The following VRK2 variants were observed in gnomAD, a reference collection of about 807,000 sequenced individuals.
VRK2 encodes VRK serine/threonine kinase 2, also known as serine/threonine-protein kinase VRK2.
VRK2 carries 60 observed loss-of-function variants against 57.6 expected under a neutral mutation model. The observed-to-expected ratio is 1.04, with a 90% CI of 0.85 to 1.29. The LOEUF is 1.29. Among genes scored for constraint, VRK2 ranks in the 50% most tolerant of loss-of-function variants. VRK2 has a pLI of 0.00. For synonymous variants in VRK2, 231 were observed against 199.2 expected, an observed-to-expected ratio of 1.16 and a Z score of -1.35; for missense variants, 705 against 588.1, an observed-to-expected ratio of 1.20 and a Z score of -2.06.
At chr2:58,021,909 C>T (rs909454200) in intron 1 of VRK2, among the ~76,000 whole-genome samples, 1 of 152,294 alleles carries the variant, frequency 6.6e-6, no homozygotes, top group Non-Finnish European at 1.5e-5. Flanking sequence ...TTTGTCTCAA[C>T]CATCAAAAGT....
At chr2:57,986,860 A>T (rs928726456) in intron 1 of VRK2, among the ~76,000 whole-genome samples, 3 of 152,130 alleles carry the variant, frequency 2.0e-5, no homozygotes, top group Non-Finnish European at 4.4e-5. Flanking sequence ...TGGCCTCCCA[A>T]AGTGCTGGGA....
chr2:57,964,181 G>C (rs1289329609), intron 1 of VRK2, among the ~76,000 whole-genome samples: 1 of 152,090 alleles, frequency 6.6e-6, no homozygotes, highest in African/African-American at 2.4e-5. Flanking sequence ...CTGTTGACTG[G>C]AAGCGTAACT....
chr2:57,960,988 C>T (rs1053299296), intron 1 of VRK2, among the ~76,000 whole-genome samples: 1 of 152,140 alleles, frequency 6.6e-6, no homozygotes, highest in East Asian at 1.9e-4. Flanking sequence ...TGAACAGTTA[C>T]TGTGTGCCAG....
intron 2 of VRK2, among the ~76,000 whole-genome samples, chr2:58,056,991 G>A (rs566728558): frequency 6.6e-6 from 1 of 152,094 alleles, no homozygotes. Context: ...CTCTTTCTTT[G>A]TTCCGATGGT....
At chr2:58,125,505 T>C (rs1261805112) in intron 8 of VRK2, among the ~76,000 whole-genome samples, 2 of 152,072 alleles carry the variant, frequency 1.3e-5, no homozygotes, top group Admixed American at 1.3e-4. Context: ...CACAGAAAGA[T>C]GGTGTTACAT....
chr2:57,939,634 T>C (rs2717033), intron 1 of VRK2, among the ~76,000 whole-genome samples: 105,413 of 151,652 alleles, frequency 0.7, 38,107 homozygotes, highest in African/African-American at 0.92. Context: ...CTATACAAAA[T>C]GTTACTTTGA....
chr2:58,131,978 T>A (rs2104542212), intron 9 of VRK2, 50 bp downstream of exon 9: 1 of 1,607,618 alleles, frequency 6.2e-7, no homozygotes, highest in African/African-American at 1.3e-5. Flanking sequence ...TCTGAAGGGA[T>A]ACATTAAAGG....
chr2:58,017,755 T>C (rs1026757923), intron 1 of VRK2, among the ~76,000 whole-genome samples: 1 of 152,220 alleles, frequency 6.6e-6, no homozygotes, highest in Non-Finnish European at 1.5e-5. Flanking sequence ...TGATTAAATA[T>C]GGAATAAATC....
chr2:58,042,866 C>G (rs573187297), upstream of VRK2, among the ~76,000 whole-genome samples: 4 of 152,052 alleles, frequency 2.6e-5, no homozygotes, highest in East Asian at 5.8e-4. Context: ...ATTCTCTTTT[C>G]TTTCTTGTTT....
Position 58,048,855 on chromosome 2 carries a change from A to G in VRK2, c.24A>G (p.Lys8=). Residue 8 remains lysine (K), a synonymous_variant, in exon 2 of 13, where the codon AAA becomes AAG. Transcript: ENST00000340157. ...TGATGCCACCAAAAAGAAATGAAAA[A>G]TACAAACTTCCTATTCCATTTCCAG... MPPKRNE[K]YKLPIPFPEG... 2.5e-6 allele frequency: 4 copies of G among 1,613,936 alleles called. No homozygotes were observed. Among genetic ancestry groups the G allele is most frequent in the East Asian group, 2.2e-5 (1 of 44,840 alleles).
Position 58,084,926 on chromosome 2 carries a change from C to G in VRK2, c.232C>G (p.Gln78Glu). The change falls in exon 4 of 13, where the codon CAG becomes GAG. Residue 78 changes from glutamine (Q) to glutamate (E), a missense_variant. By Grantham distance (29) the Gln-to-Glu change is conservative (BLOSUM62 2). Coordinates refer to ENST00000340157, the MANE Select transcript of VRK2 (RefSeq NM_006296.7). The part of the protein sequence containing the change: ...GPLFSELKFY[Q>E]RVAKKDCIKK... ...GTTATTTTCAGAACTTAAATTTTAT[C>G]AGAGAGTTGCAAAAAAAGACTGTAG... The G allele has an allele frequency of 6.3e-7, 1 of 1,586,928 alleles. No individual in the cohort carries two copies. The highest frequency in any genetic ancestry group is 8.6e-7 in the Non-Finnish European group (1 of 1,167,066).
At chr2:58,058,269 G>A (rs1278373440) in intron 2 of VRK2, 1 of 445,992 alleles carries the variant, frequency 2.2e-6, no homozygotes, top group Non-Finnish European at 4.6e-6. Flanking sequence ...TAACTTTTGG[G>A]AATGATGAAT....
At chr2:58,108,181 C>T (rs1281371789) in intron 7 of VRK2, among the ~76,000 whole-genome samples, 1 of 152,142 alleles carries the variant, frequency 6.6e-6, no homozygotes, top group Non-Finnish European at 1.5e-5. Context: ...TTTATTGAAT[C>T]ATCACTTACT....
At chr2:58,088,310 A>C in intron 5 of VRK2, 31 bp from the exon 6 acceptor site, 1 of 1,462,792 alleles carries the variant, frequency 6.8e-7, no homozygotes, top group Non-Finnish European at 9.5e-7. Flanking sequence ...CTTTCTCAGG[A>C]TGATCTCTTT....
In VRK2 at chr2:57,914,220, A is replaced by G. The variant is rs535926913; in HGVS notation, c.-439+6381A>G. On this transcript the variant is annotated intron_variant, in intron 1 of 15. Coordinates refer to the VRK2 transcript ENST00000417641. ...CTGAGGTCAGATAGCCAAGATCCCA[A>G]TGTTTACTATTTGTGGCACTTAACC... is the stretch of plus-strand genomic sequence containing the variant. 4.0e-5 allele frequency among the ~76,000 whole-genome samples: 6 copies of G among 150,612 alleles called. No individual in the cohort carries two copies. In the East Asian group the frequency reaches 9.7e-4, roughly 24 times the overall value.
chr2:58,058,313 G>T, intron 2 of VRK2: 1 of 467,764 alleles, frequency 2.1e-6, no homozygotes, highest in South Asian at 1.6e-5. Context: ...ATTTTATCAT[G>T]AAGATGAAAC....
At chr2:58,033,650 G>A (rs1674184625) in intron 3 of VRK2, 1 of 151,946 alleles carries the variant, frequency 6.6e-6, no homozygotes, top group South Asian at 2.1e-4. Context: ...AGTTTCATAA[G>A]TAAAAATATC....
chr2:57,915,833 C>T (rs1016578877), intron 1 of VRK2, among the ~76,000 whole-genome samples: 3 of 152,150 alleles, frequency 2.0e-5, no homozygotes, highest in Non-Finnish European at 1.5e-5. Context: ...ACAGCCTGAG[C>T]TCCGCCTCCA....
intron 10 of VRK2, among the ~76,000 whole-genome samples, chr2:58,138,674 A>G (rs1283384032): frequency 1.3e-5 from 2 of 152,196 alleles, no homozygotes; most frequent in African/African-American, 4.8e-5. Context: ...ACTCCTGCCA[A>G]CGCATGAAGT....
Sources: allele counts gnomAD v4.1 joint callset (sites outside exome capture counted in the v4.1 genomes callset), GRCh38; gene constraint gnomAD v4.1.1; transcripts MANE v1.5; gene names NCBI Gene and HGNC (gene_info 2026-07-23, HGNC 2026-07-21).